DLG2: variants seen among roughly 807,000 people sequenced by gnomAD.
DLG2 encodes the protein disks large homolog 2.
A neutral mutation model predicts 132.5 loss-of-function variants in DLG2; 45 were observed. That is an observed-to-expected ratio of 0.34 (90% CI 0.27 to 0.44). The LOEUF (loss-of-function observed/expected upper bound fraction) is 0.44. Among genes scored for constraint, DLG2 ranks in the 20% least tolerant of loss-of-function variants. DLG2 has a pLI of 1.00. For missense variants in DLG2, 1,045 were observed against 1,196.9 expected, an observed-to-expected ratio of 0.87 and a Z score of 1.87; for synonymous variants, 424 against 419.6, an observed-to-expected ratio of 1.01 and a Z score of -0.13.
intron 4 of DLG2, among the ~76,000 whole-genome samples, chr11:85,203,144 C>T (rs1162595648): frequency 5.3e-5 from 8 of 151,126 alleles, no homozygotes; most frequent in Admixed American, 3.3e-4. Flanking sequence ...GCAAAAAAAG[C>T]ATTACTTTTG....
At chr11:83,641,875 G>A (rs1234884704) in intron 18 of DLG2, among the ~76,000 whole-genome samples, 1 of 151,596 alleles carries the variant, frequency 6.6e-6, no homozygotes, top group Non-Finnish European at 1.5e-5. Context: ...GTGTGTGTGT[G>A]TGTGTGTGTG....
intron 6 of DLG2, among the ~76,000 whole-genome samples, chr11:84,618,098 G>A (rs1447240248): frequency 6.6e-6 from 1 of 152,028 alleles, no homozygotes; most frequent in Non-Finnish European, 1.5e-5. Flanking sequence ...AGCATCTGAA[G>A]CAGCAGAAAG....
At chr11:85,564,882 ATCTT>A (rs2077443582) in intron 3 of DLG2, among the ~76,000 whole-genome samples, 1 of 152,084 alleles carries the variant, frequency 6.6e-6, no homozygotes, top group Non-Finnish European at 1.5e-5. Context: ...AACAAAAAAT[ATCTT>A]TCTATTTATT....
intron 3 of DLG2, among the ~76,000 whole-genome samples, chr11:85,482,254 G>A (rs879413633): frequency 9.9e-5 from 15 of 151,846 alleles, no homozygotes; most frequent in Non-Finnish European, 1.9e-4. Context: ...TAGGATCCAG[G>A]CTCCACCCAG....
At chr11:85,130,084 A>G (rs2075550675) in intron 5 of DLG2, among the ~76,000 whole-genome samples, 1 of 152,142 alleles carries the variant, frequency 6.6e-6, no homozygotes, top group African/African-American at 2.4e-5. Context: ...GAGAAATAGC[A>G]TTAAGAGAAA....
intron 20 of DLG2, among the ~76,000 whole-genome samples, chr11:83,539,687 C>G (rs1049523540): frequency 2.0e-5 from 3 of 151,530 alleles, no homozygotes; most frequent in Middle Eastern, 3.4e-3. Context: ...GGAGCTACTG[C>G]ACCCTTCATA....
chr11:84,193,742 A>G (rs1401189637), intron 8 of DLG2, among the ~76,000 whole-genome samples: 1 of 152,198 alleles, frequency 6.6e-6, no homozygotes, highest in Non-Finnish European at 1.5e-5. Flanking sequence ...AGCTGAAATT[A>G]TGGTCAAAAC....
At chr11:84,287,144 T>A (rs957634396) in intron 7 of DLG2, among the ~76,000 whole-genome samples, 1 of 152,204 alleles carries the variant, frequency 6.6e-6, no homozygotes, top group Non-Finnish European at 1.5e-5. Context: ...CTTCTTTACA[T>A]GTACATATTT....
At chr11:84,101,265 C>T (rs2092497071) in intron 9 of DLG2, among the ~76,000 whole-genome samples, 1 of 151,916 alleles carries the variant, frequency 6.6e-6, no homozygotes, top group South Asian at 2.1e-4. Flanking sequence ...GTGTAAAAGC[C>T]CTTAGGTGAG....
At chr11:84,152,146 T>A (rs1172632950) in intron 9 of DLG2, among the ~76,000 whole-genome samples, 1 of 152,170 alleles carries the variant, frequency 6.6e-6, no homozygotes, top group Non-Finnish European at 1.5e-5. Flanking sequence ...CAGTAGAATG[T>A]TGAAGTCTCC....
chr11:84,537,419 G>C (rs1040703573), intron 6 of DLG2, among the ~76,000 whole-genome samples: 1 of 152,016 alleles, frequency 6.6e-6, no homozygotes, highest in Non-Finnish European at 1.5e-5. Context: ...AATTACTTTT[G>C]TTCTCAACAT....
rs11607047 is a variant in DLG2 at position 83,939,062 on chromosome 11, A to G, written c.1341-8579T>C. Among the ~76,000 whole-genome samples, 857 of 152,288 alleles carry G rather than the reference A, an allele frequency of 5.6e-3. 4 individuals carry two copies. The highest frequency in any genetic ancestry group is 8.9e-3 in the Non-Finnish European group (608 of 68,014). The stretch of plus-strand genomic sequence containing the variant: ...CAATGGATCATCGGGCCTCCTTTAC[A>G]TCATAAATCACTAGCTTCCCCTTTC... On this transcript the variant is annotated intron_variant, in intron 14 of 27. Coordinates refer to ENST00000376104, the MANE Select transcript of DLG2 (RefSeq NM_001142699.3).
intron 6 of DLG2, among the ~76,000 whole-genome samples, chr11:84,889,245 A>T (rs948098241): frequency 1.3e-5 from 2 of 152,300 alleles, no homozygotes; most frequent in African/African-American, 4.8e-5. Context: ...ACTCTACAGC[A>T]TTATGGATTG....
At chr11:85,402,424 G>A (rs1448506965) in intron 3 of DLG2, among the ~76,000 whole-genome samples, 2 of 152,140 alleles carry the variant, frequency 1.3e-5, no homozygotes, top group Non-Finnish European at 2.9e-5. Flanking sequence ...TCAGGACATA[G>A]GCATGTGCAA....
chr11:83,887,593 A>AT (rs1273465568), intron 15 of DLG2, among the ~76,000 whole-genome samples: 35 of 152,034 alleles, frequency 2.3e-4, no homozygotes, highest in Non-Finnish European at 4.4e-4. Context: ...TCCCTAACTC[A>AT]TTTTATGAGG....
chr11:83,645,439 G>A (rs751786143), intron 18 of DLG2, among the ~76,000 whole-genome samples: 8 of 152,076 alleles, frequency 5.3e-5, no homozygotes, highest in Admixed American at 4.6e-4. Context: ...GTGCTGCAAT[G>A]ACAGATAGGG....
intron 11 of DLG2, among the ~76,000 whole-genome samples, chr11:84,047,207 A>C (rs780442642): frequency 5.9e-5 from 9 of 151,632 alleles, no homozygotes; most frequent in Non-Finnish European, 1.3e-4. Context: ...TCATTCCTTT[A>C]ATTTAGCATT....
At chr11:84,067,635 A>G (rs35239124) in intron 10 of DLG2, among the ~76,000 whole-genome samples, 5,948 of 152,118 alleles carry the variant, frequency 0.039, 159 homozygotes, top group Non-Finnish European at 0.056. Flanking sequence ...GCCATAATAC[A>G]TATACTTAAT....
At chr11:83,896,750 T>C (rs708239) in intron 15 of DLG2, among the ~76,000 whole-genome samples, 123,965 of 152,174 alleles carry the variant, frequency 0.81, 51,123 homozygotes, top group African/African-American at 0.95. Context: ...AAGTGGTTTA[T>C]CACTGATTTA....
Sources: gnomAD v4.1 joint callset for allele counts (sites outside exome capture counted in the v4.1 genomes callset) on GRCh38, gnomAD v4.1.1 for gene constraint, MANE v1.5 for transcripts, NCBI Gene and HGNC (gene_info 2026-07-23, HGNC 2026-07-21) for gene names.